The following TET3 variants were observed in gnomAD, a reference collection of about 807,000 sequenced individuals.
TET3 encodes methylcytosine dioxygenase TET3.
Under a neutral mutation model 141.4 loss-of-function variants are expected in TET3, and 19 were observed. The observed-to-expected ratio is 0.13, with a 90% confidence interval of 0.09 to 0.20. The LOEUF is 0.20. Ranked by LOEUF, TET3 falls within the 10% of genes least tolerant of loss-of-function variation. The pLI is 1.00. For missense variants in TET3, 1,874 were observed against 2,356.9 expected (o/e 0.80, Z 4.24); for synonymous variants, 1,043 against 980.9 (o/e 1.06, Z -1.18).
At chr2:74,110,032 T>C (rs1191667593), downstream of TET3, among the ~76,000 whole-genome samples, 1 of 152,066 alleles carries the variant, frequency 6.6e-6, no homozygotes, top group Non-Finnish European at 1.5e-5. Context: ...GATAAAAAAA[T>C]TGCTACAGAA....
chr2:74,060,978 A>G (rs901591990), intron 4 of TET3, among the ~76,000 whole-genome samples: 222 of 152,060 alleles, frequency 1.5e-3, no homozygotes, highest in African/African-American at 5.1e-3. Flanking sequence ...CCCCCTTTCT[A>G]TTCCACAAAA....
chr2:74,060,973 T>G (rs1036073748), intron 4 of TET3, among the ~76,000 whole-genome samples: 45 of 152,294 alleles, frequency 3.0e-4, no homozygotes, highest in Admixed American at 2.4e-3. Context: ...CTTTCCCCCC[T>G]TTCTATTCCA....
chr2:74,018,873 A>G (rs769113650), intron 3 of TET3, among the ~76,000 whole-genome samples: 7 of 152,070 alleles, frequency 4.6e-5, no homozygotes, highest in Non-Finnish European at 1.0e-4. Flanking sequence ...GGGAGAATAG[A>G]TAGCTTTACA....
the TET3 span, among the ~76,000 whole-genome samples, chr2:74,128,516 G>C: frequency 1.3e-5 from 2 of 152,024 alleles, no homozygotes; most frequent in Non-Finnish European, 2.9e-5. Context: ...TAAAGTATGG[G>C]CTCTCCTTAA....
At chr2:74,032,458 T>TGC (rs1686764398) in intron 3 of TET3, among the ~76,000 whole-genome samples, 2 of 14,396 alleles carry the variant, frequency 1.4e-4, no homozygotes, top group African/African-American at 4.7e-4. Context: ...TCTCTGTGTG[T>TGC]GTGTGTGTGT....
intron 2 of TET3, 97 bp from the exon 3 acceptor site, chr2:74,003,013 T>G (rs1487010308): frequency 1.2e-5 from 17 of 1,384,312 alleles, no homozygotes; most frequent in Non-Finnish European, 1.7e-5. Context: ...CCCGTTCGCC[T>G]TCTTCCCCTC....
intron 7 of TET3, among the ~76,000 whole-genome samples, chr2:74,089,635 G>A (rs1010061176): frequency 6.6e-6 from 1 of 152,138 alleles, no homozygotes; most frequent in Non-Finnish European, 1.5e-5. Context: ...CCTTACTTCC[G>A]TAAACCCATG....
At chr2:74,066,570 T>A (rs1425003809) in intron 4 of TET3, among the ~76,000 whole-genome samples, 2 of 149,808 alleles carry the variant, frequency 1.3e-5, no homozygotes, top group East Asian at 3.9e-4. Context: ...TCCCTTATAC[T>A]CAGGAGAGGA....
rs1687754086 is a variant in TET3, at chr2:74,048,222, T to C, written c.2305T>C (p.Ser769Pro). ...IESSGAVTVL[S>P]TTCFHSEEGG... The stretch of plus-strand genomic sequence containing the variant: ...GTCTTCGGGGGCTGTGACTGTGCTC[T>C]CAACCACCTGCTTCCATTCAGAGGA... The change falls in exon 4 of 12, where the codon TCA becomes CCA. Residue 769 changes from serine to proline, a missense_variant. By Grantham distance (74) the Ser-to-Pro change is moderately conservative. Transcript: ENST00000409262. The C allele has an allele frequency of 2.5e-6, 4 of 1,613,296 alleles. No individual in the cohort carries two copies. The highest frequency in any genetic ancestry group is 1.3e-5 in the African/African-American group (1 of 74,832).
downstream of TET3, among the ~76,000 whole-genome samples, chr2:74,109,848 G>A (rs1691661324): frequency 1.3e-5 from 2 of 152,070 alleles, no homozygotes; most frequent in Non-Finnish European, 2.9e-5. Flanking sequence ...CCCACGATCT[G>A]GACACACTAT....
rs1684036808 is a variant in TET3 at position 73,986,569 on chromosome 2, C to T, written c.166C>T (p.Arg56Trp). 1 of 1,232,172 alleles carries T rather than the reference C, an allele frequency of 8.1e-7. No individual in the cohort carries two copies. The highest frequency in any genetic ancestry group is 1.0e-6 in the Non-Finnish European group (1 of 988,034). The allele number at this position is 1,232,172 out of a possible 1,614,324, so 76.3% of individuals were successfully genotyped here. ...TGGAGATGGTCGAAAGAAACGGAAA[C>T]GGTGTGGTACTTGTGAGCCCTGCCG... ...GGGDGRKKRK[R>W]CGTCEPCRRL... Residue 56 changes from arginine to tryptophan, a missense_variant, in exon 2 of 12, where the codon CGG (arginine) becomes TGG (tryptophan). Around this residue, in one of 10 missense-constraint regions of TET3, gnomAD observed 366 missense variants for 487.0 expected, o/e 0.75. Transcript: ENST00000409262.
chr2:74,097,116 A>AAG (rs1185929547), intron 10 of TET3, among the ~76,000 whole-genome samples: 69 of 112,650 alleles, frequency 6.1e-4, no homozygotes, highest in African/African-American at 1.7e-3. Context: ...GAAAAAGAAA[A>AAG]AAAAAAAAAG....
At chr2:74,117,803 T>C in the TET3 span, among the ~76,000 whole-genome samples, 1 of 152,170 alleles carries the variant, frequency 6.6e-6, no homozygotes, top group Admixed American at 6.5e-5. Context: ...TGGAACGCAA[T>C]GACACAATCT....
intron 4 of TET3, among the ~76,000 whole-genome samples, chr2:74,065,887 T>C (rs2103876620): frequency 6.6e-6 from 1 of 152,046 alleles, no homozygotes; most frequent in East Asian, 1.9e-4. Flanking sequence ...GCCTCCTGAG[T>C]AGCTGGGACT....
chr2:74,073,431 C>T, intron 4 of TET3, 118 bp from the exon 5 acceptor site: 2 of 634,738 alleles, frequency 3.2e-6, no homozygotes, highest in Non-Finnish European at 5.4e-6. Flanking sequence ...TGTTCATAAG[C>T]CATGTGGGTT....
chr2:74,057,944 TAAAA>T (rs1429772566), intron 4 of TET3, among the ~76,000 whole-genome samples: 1 of 152,114 alleles, frequency 6.6e-6, no homozygotes, highest in Non-Finnish European at 1.5e-5. Flanking sequence ...ATACTTAAGC[TAAAA>T]AAAGAAAATT....
At chr2:74,035,824 C>T (rs1687020494) in intron 3 of TET3, among the ~76,000 whole-genome samples, 1 of 151,914 alleles carries the variant, frequency 6.6e-6, no homozygotes, top group African/African-American at 2.4e-5. Context: ...CTAGCCTGAC[C>T]AACATAATGA....
Position 74,047,647 on chromosome 2 carries a change from A to C in TET3, c.1730A>C (p.Glu577Ala). The C allele has an allele frequency of 6.2e-7, 1 of 1,612,694 alleles. No individual in the cohort carries two copies. The highest frequency in any genetic ancestry group is 1.1e-5 in the South Asian group (1 of 90,886). ...CGGCTTCCAGACAGACCACCCAAGG[A>C]GAAGAAGAAGAAGCTCCCAACACCA... The part of the protein sequence containing the change: ...VPRLPDRPPK[E>A]KKKKLPTPAG... Residue 577 changes from glutamate (E) to alanine (A), a missense_variant, in exon 4 of 12, where the codon GAG becomes GCG. Physicochemically the swap from Glu to Ala is moderately radical, Grantham distance 107. Transcript: ENST00000409262.
chr2:73,992,075 A>T (rs1294954207), intron 2 of TET3, among the ~76,000 whole-genome samples: 3 of 152,096 alleles, frequency 2.0e-5, no homozygotes, highest in African/African-American at 7.2e-5. Context: ...GCTGGTGGAA[A>T]ATGCTGATAA....
Sources: allele counts gnomAD v4.1 joint callset (sites outside exome capture counted in the v4.1 genomes callset), GRCh38; gene constraint gnomAD v4.1.1; regional missense constraint gnomAD v4.1.1; transcripts MANE v1.5; gene names NCBI Gene and HGNC (gene_info 2026-07-23, HGNC 2026-07-21).